The following ESRRG variants were observed in gnomAD, a reference collection of about 807,000 sequenced individuals.
ESRRG encodes estrogen related receptor gamma, also known as estrogen-related receptor gamma.
ESRRG carries 13 observed loss-of-function variants against 44.0 expected under a neutral mutation model. The ratio of observed to expected loss-of-function variants is 0.30; its 90% CI spans 0.19 to 0.47. The LOEUF (loss-of-function observed/expected upper bound fraction) is 0.47, where lower values mean the gene tolerates loss of function less well. Ranked by LOEUF, ESRRG falls within the 20% of genes least tolerant of loss-of-function variation. ESRRG has a pLI of 1.00. For missense variants in ESRRG, 395 were observed against 580.6 expected (o/e 0.68, Z 3.29); for synonymous variants, 215 against 214.6 (o/e 1.00, Z -0.02).
At chr1:217,132,770 G>C (rs2102542105) in intron 1 of ESRRG, among the ~76,000 whole-genome samples, 1 of 152,140 alleles carries the variant, frequency 6.6e-6, no homozygotes, top group East Asian at 1.9e-4. Context: ...GCCTCGTTTT[G>C]GGGGTTACAG....
intron 5 of ESRRG, among the ~76,000 whole-genome samples, chr1:216,546,116 G>C (rs956107375): frequency 3.3e-5 from 5 of 152,020 alleles, no homozygotes; most frequent in African/African-American, 1.2e-4. Context: ...GAGGTGGGGG[G>C]ATTGTCCTGT....
chr1:217,117,670 C>T (rs531232526), intron 1 of ESRRG, among the ~76,000 whole-genome samples: 19 of 152,200 alleles, frequency 1.2e-4, no homozygotes, highest in African/African-American at 4.3e-4. Context: ...AATAAGCACT[C>T]AACAAATACT....
intron 1 of ESRRG, among the ~76,000 whole-genome samples, chr1:217,072,791 G>A (rs1026534441): frequency 1.3e-5 from 2 of 151,998 alleles, no homozygotes; most frequent in Non-Finnish European, 2.9e-5. Context: ...TTCTAGATTG[G>A]GAATCTGAAA....
chr1:216,607,233 C>CCCTGG (rs2060052465), intron 3 of ESRRG, among the ~76,000 whole-genome samples: 1 of 152,170 alleles, frequency 6.6e-6, no homozygotes, highest in African/African-American at 2.4e-5. Flanking sequence ...ACCCCCATGA[C>CCCTGG]CCTGGCCTGG....
At chr1:216,646,812 C>T (rs2067689134) in intron 3 of ESRRG, among the ~76,000 whole-genome samples, 1 of 152,070 alleles carries the variant, frequency 6.6e-6, no homozygotes, top group Non-Finnish European at 1.5e-5. Flanking sequence ...CAAAACTGGT[C>T]CTCTAAGTTG....
chr1:217,036,217 T>G (rs1449900939), intron 1 of ESRRG, among the ~76,000 whole-genome samples: 2 of 152,118 alleles, frequency 1.3e-5, no homozygotes, highest in African/African-American at 2.4e-5. Flanking sequence ...TTGGTAAGAG[T>G]GTAAATTAGT....
chr1:216,872,866 AT>A (rs2096277484), intron 2 of ESRRG, among the ~76,000 whole-genome samples: 4 of 152,160 alleles, frequency 2.6e-5, no homozygotes, highest in Non-Finnish European at 5.9e-5. Flanking sequence ...AGGCCAAATA[AT>A]TTTAGATAGT....
At chr1:217,083,463 A>T (rs1403505093) in intron 1 of ESRRG, among the ~76,000 whole-genome samples, 2 of 152,236 alleles carry the variant, frequency 1.3e-5, no homozygotes, top group Non-Finnish European at 2.9e-5. Flanking sequence ...TCAGAATCGC[A>T]GGGGTGAAGT....
chr1:216,521,610 C>A (rs754349170), intron 5 of ESRRG, among the ~76,000 whole-genome samples: 2 of 152,112 alleles, frequency 1.3e-5, no homozygotes, highest in Non-Finnish European at 2.9e-5. Context: ...TGTGACAGCC[C>A]TATTCTCCCT....
intron 2 of ESRRG, among the ~76,000 whole-genome samples, chr1:216,653,162 C>T (rs1466071662): frequency 6.6e-6 from 1 of 152,182 alleles, no homozygotes; most frequent in Non-Finnish European, 1.5e-5. Flanking sequence ...TCTTTTAAAA[C>T]CTGTTCCACT....
At chr1:216,719,062 A>G (rs2085562109) in intron 1 of ESRRG, among the ~76,000 whole-genome samples, 1 of 152,066 alleles carries the variant, frequency 6.6e-6, no homozygotes. Context: ...CTTTACAAGT[A>G]AGACAGAGAA....
intron 2 of ESRRG, among the ~76,000 whole-genome samples, chr1:216,781,326 C>A (rs1259202385): frequency 6.6e-6 from 1 of 151,556 alleles, no homozygotes; most frequent in African/African-American, 2.4e-5. Context: ...AGAGTAAGGC[C>A]ATAGAGAAAT....
chr1:216,872,424 G>A (rs1423439782), intron 2 of ESRRG, among the ~76,000 whole-genome samples: 2 of 151,990 alleles, frequency 1.3e-5, no homozygotes, highest in African/African-American at 2.4e-5. Flanking sequence ...GAACTCCTAC[G>A]ATGCAAATGT....
In ESRRG at chr1:216,723,249, C is replaced by G; in HGVS notation, c.51G>C (p.Glu17Asp). 6.2e-7 allele frequency: 1 copy of G among 1,613,604 alleles called. No homozygotes were observed. Among genetic ancestry groups the G allele is most frequent in the Non-Finnish European group, 8.5e-7 (1 of 1,179,648 alleles). Residue 17 changes from glutamate (E) to aspartate (D), a missense_variant, in exon 1 of 7, where the codon GAG becomes GAC. Glu to Asp is a conservative substitution (Grantham distance 45, BLOSUM62 2). Coordinates refer to ENST00000408911, the MANE Select transcript of ESRRG (RefSeq NM_001438.4). ...CLPESFSLHY[E>D]EELLCRMSNK... ...GAAAGAAAAAAGGTACCTACTCTTC[C>G]TCGTAGTGCAGGGAAAAAGATTCAG...
intron 3 of ESRRG, among the ~76,000 whole-genome samples, chr1:216,613,890 A>G (rs1253559616): frequency 1.3e-5 from 2 of 152,238 alleles, no homozygotes; most frequent in Non-Finnish European, 2.9e-5. Flanking sequence ...CTTATTGTTA[A>G]CCTTTAACAC....
chr1:217,030,302 C>G (rs964482050), intron 1 of ESRRG, among the ~76,000 whole-genome samples: 13 of 152,284 alleles, frequency 8.5e-5, no homozygotes, highest in African/African-American at 3.1e-4. Flanking sequence ...TTGCAGCAGA[C>G]CATAAGTAGA....
chr1:216,565,981 G>GTT (rs1400177132), intron 4 of ESRRG, among the ~76,000 whole-genome samples: 2 of 42,274 alleles, frequency 4.7e-5, no homozygotes, highest in African/African-American at 2.1e-4. Flanking sequence ...CATGATTCTA[G>GTT]TTGTTTTTTT....
chr1:216,746,983 G>A (rs1293910681), intron 2 of ESRRG, among the ~76,000 whole-genome samples: 1 of 152,060 alleles, frequency 6.6e-6, no homozygotes, highest in Non-Finnish European at 1.5e-5. Flanking sequence ...GTAATTATCA[G>A]TATGACTTAG....
chr1:216,759,104 A>G (rs1321871632), intron 2 of ESRRG, among the ~76,000 whole-genome samples: 8 of 152,120 alleles, frequency 5.3e-5, no homozygotes, highest in Non-Finnish European at 1.0e-4. Context: ...CACCAATTTG[A>G]AAATCCATGT....
Sources: allele counts gnomAD v4.1 joint callset (sites outside exome capture counted in the v4.1 genomes callset), GRCh38; gene constraint gnomAD v4.1.1; transcripts MANE v1.5; gene names NCBI Gene and HGNC (gene_info 2026-07-23, HGNC 2026-07-21).